CDH12: variants seen among roughly 807,000 people sequenced by gnomAD.
CDH12 encodes the protein cadherin 12, also known as cadherin-12.
In CDH12, 41 loss-of-function variants were observed where a neutral mutation model predicts 74.1. The observed-to-expected ratio is 0.55, with a 90% CI of 0.43 to 0.72. The LOEUF is 0.72. CDH12 is among the 30% of genes least tolerant of loss of function. The probability of loss-of-function intolerance (pLI) is 0.00; values close to 1 mark genes in which losing one functional copy is unlikely to be tolerated. For synonymous variants in CDH12, 399 were observed against 355.0 expected (o/e 1.12, Z -1.39); for missense variants, 945 against 977.2 (o/e 0.97, Z 0.44).
chr5:22,003,352 C>G (rs1580096641), intron 5 of CDH12, among the ~76,000 whole-genome samples: 1 of 152,224 alleles, frequency 6.6e-6, no homozygotes, highest in Admixed American at 6.5e-5. Context: ...ATTCCGTTAT[C>G]AAAGCAACTG....
intron 5 of CDH12, among the ~76,000 whole-genome samples, chr5:22,075,427 G>A (rs998994777): frequency 2.6e-5 from 4 of 151,508 alleles, no homozygotes; most frequent in Admixed American, 6.6e-5. Flanking sequence ...AAACCTGCAC[G>A]TTGTGCACAT....
chr5:22,342,514 T>C (rs1310679429), intron 3 of CDH12, among the ~76,000 whole-genome samples: 1 of 151,048 alleles, frequency 6.6e-6, no homozygotes, highest in African/African-American at 2.4e-5. Context: ...TTTCCTTCCT[T>C]CCTTCCTCCC....
rs1580085612 is a variant in CDH12, at chr5:21,996,080, C to G, written c.232-20695G>C. On this transcript the variant is annotated intron_variant, in intron 5 of 14. Coordinates refer to ENST00000382254, the MANE Select transcript of CDH12 (RefSeq NM_004061.5). The stretch of plus-strand genomic sequence containing the variant: ...TAATGAGATATTTGAGCAGTCGGCT[C>G]AGGTACTTATAAGTTCACACACACG... Among the ~76,000 whole-genome samples, 9 of 144,970 alleles carry G rather than the reference C, an allele frequency of 6.2e-5. No individual in the cohort carries two copies. In the South Asian group the frequency reaches 2.0e-3, roughly 32 times the overall value.
chr5:21,967,473 AAT>A (rs1756637466), intron 6 of CDH12, among the ~76,000 whole-genome samples: 1 of 152,178 alleles, frequency 6.6e-6, no homozygotes, highest in Non-Finnish European at 1.5e-5. Flanking sequence ...ATACTTTGCA[AAT>A]ATGTTTAATG....
intron 1 of CDH12, among the ~76,000 whole-genome samples, chr5:22,721,447 A>G (rs1024725657): frequency 6.6e-6 from 1 of 152,180 alleles, no homozygotes; most frequent in African/African-American, 2.4e-5. Context: ...TAATGCCTGT[A>G]CCCTCATTGT....
intron 2 of CDH12, among the ~76,000 whole-genome samples, chr5:22,434,845 TG>T (rs1415540978): frequency 6.6e-6 from 1 of 152,194 alleles, no homozygotes; most frequent in Admixed American, 6.6e-5. Flanking sequence ...TATGAATAAC[TG>T]CTAGCCTCAG....
chr5:21,754,593 T>C (rs543532593), intron 14 of CDH12, among the ~76,000 whole-genome samples: 1 of 152,314 alleles, frequency 6.6e-6, no homozygotes, highest in South Asian at 2.1e-4. Flanking sequence ...CAGCATGAAC[T>C]TCTGACTCAG....
At chr5:22,823,579 A>G (rs1375945023) in intron 1 of CDH12, among the ~76,000 whole-genome samples, 1 of 152,072 alleles carries the variant, frequency 6.6e-6, no homozygotes, top group African/African-American at 2.4e-5. Context: ...ATGAAAACAT[A>G]CTAATACAAA....
intron 1 of CDH12, among the ~76,000 whole-genome samples, chr5:22,623,019 C>A (rs375146619): frequency 2.0e-5 from 3 of 152,134 alleles, no homozygotes; most frequent in African/African-American, 7.2e-5. Flanking sequence ...GTTCAACATA[C>A]GCAAATCAAT....
At chr5:22,008,725 A>G (rs1737114316) in intron 5 of CDH12, among the ~76,000 whole-genome samples, 1 of 152,172 alleles carries the variant, frequency 6.6e-6, no homozygotes, top group East Asian at 1.9e-4. Flanking sequence ...CTTAGGGTAC[A>G]TTCCTCAGCA....
At chr5:22,535,671 T>G (rs959964201) in intron 1 of CDH12, among the ~76,000 whole-genome samples, 1 of 152,218 alleles carries the variant, frequency 6.6e-6, no homozygotes, top group African/African-American at 2.4e-5. Context: ...ATTAGAAAAG[T>G]AAGCTTTAGT....
intron 3 of CDH12, among the ~76,000 whole-genome samples, chr5:22,345,745 AAT>A (rs1740080396): frequency 6.6e-6 from 1 of 152,170 alleles, no homozygotes; most frequent in Non-Finnish European, 1.5e-5. Flanking sequence ...CGTTTGTTGA[AAT>A]CAAGATACGC....
chr5:21,827,243 A>G (rs759528747), intron 8 of CDH12, among the ~76,000 whole-genome samples: 1 of 152,256 alleles, frequency 6.6e-6, no homozygotes, highest in Middle Eastern at 3.4e-3. Flanking sequence ...GATCCATAAG[A>G]TCTTTTAAAA....
At chr5:22,555,579 A>C (rs1738766270) in intron 1 of CDH12, among the ~76,000 whole-genome samples, 1 of 152,106 alleles carries the variant, frequency 6.6e-6, no homozygotes, top group East Asian at 1.9e-4. Flanking sequence ...CATGGATTTT[A>C]AATATAAAAT....
At chr5:22,715,296 T>C (rs1220265506) in intron 1 of CDH12, among the ~76,000 whole-genome samples, 2 of 152,250 alleles carry the variant, frequency 1.3e-5, no homozygotes, top group Non-Finnish European at 2.9e-5. Flanking sequence ...TAATGGATTA[T>C]AATTTGATAT....
intron 3 of CDH12, among the ~76,000 whole-genome samples, chr5:22,297,139 A>G (rs1404226912): frequency 6.6e-6 from 1 of 151,968 alleles, no homozygotes; most frequent in Non-Finnish European, 1.5e-5. Flanking sequence ...CTCTTGCCTC[A>G]GCCTCCTGAG....
intron 6 of CDH12, among the ~76,000 whole-genome samples, chr5:21,916,439 G>T (rs1754097528): frequency 6.6e-6 from 1 of 152,034 alleles, no homozygotes; most frequent in Non-Finnish European, 1.5e-5. Flanking sequence ...TAATATTTCA[G>T]CAGATCAAAT....
chr5:22,315,118 G>GTTTTTTTTT (rs1344184080), intron 3 of CDH12, among the ~76,000 whole-genome samples: 4 of 9,400 alleles, frequency 4.3e-4, no homozygotes, highest in African/African-American at 6.1e-4. Flanking sequence ...TGCCTGCCTG[G>GTTTTTTTTT]CTTTTTTTTT....
intron 10 of CDH12, among the ~76,000 whole-genome samples, chr5:21,798,782 A>T (rs1396618756): frequency 6.6e-6 from 1 of 152,176 alleles, no homozygotes. Flanking sequence ...TAACCTTTCC[A>T]GCTTTCAGAA....
Sources: gnomAD v4.1 joint callset for allele counts (sites outside exome capture counted in the v4.1 genomes callset) on GRCh38, gnomAD v4.1.1 for gene constraint, MANE v1.5 for transcripts, NCBI Gene and HGNC (gene_info 2026-07-23, HGNC 2026-07-21) for gene names.